The following NOS1AP variants were observed in gnomAD, a reference collection of about 807,000 sequenced individuals.
NOS1AP encodes the protein carboxyl-terminal PDZ ligand of neuronal nitric oxide synthase protein.
NOS1AP carries 21 observed loss-of-function variants against 56.2 expected under a neutral mutation model. The observed-to-expected ratio is 0.37, with a 90% CI of 0.26 to 0.54. The LOEUF is 0.54. NOS1AP is among the 20% of genes least tolerant of loss of function. The pLI is 0.84. For synonymous variants in NOS1AP, 270 were observed against 274.6 expected (o/e 0.98, Z 0.17); for missense variants, 522 against 657.8 (o/e 0.79, Z 2.26).
intron 4 of NOS1AP, among the ~76,000 whole-genome samples, chr1:162,325,663 A>G (rs1399102287): frequency 2.6e-5 from 4 of 152,082 alleles, no homozygotes; most frequent in Non-Finnish European, 5.9e-5. Flanking sequence ...CTTGAGCAGC[A>G]GGTTGATTCT....
intron 1 of NOS1AP, among the ~76,000 whole-genome samples, chr1:162,131,185 A>G (rs1479664897): frequency 6.6e-6 from 1 of 152,038 alleles, no homozygotes; most frequent in Non-Finnish European, 1.5e-5. Context: ...GCTAGGTGCT[A>G]GGTTTCGAGT....
intron 2 of NOS1AP, among the ~76,000 whole-genome samples, chr1:162,168,666 T>A (rs1416776440): frequency 2.0e-5 from 3 of 146,862 alleles, no homozygotes; most frequent in African/African-American, 7.3e-5. Flanking sequence ...CTTCTCCCCT[T>A]TTCTTCCTCT....
intron 3 of NOS1AP, among the ~76,000 whole-genome samples, chr1:162,289,543 C>T (rs1017059615): frequency 4.5e-5 from 6 of 134,786 alleles, no homozygotes; most frequent in South Asian, 4.8e-4. Flanking sequence ...GGCGGGATCT[C>T]GGCTCACTGC....
chr1:162,166,902 C>A (rs1424626986), intron 2 of NOS1AP, among the ~76,000 whole-genome samples: 1 of 152,174 alleles, frequency 6.6e-6, no homozygotes, highest in African/African-American at 2.4e-5. Context: ...GGTCAGGATC[C>A]TTTGCTGGGT....
chr1:162,222,748 C>G (rs1450315925), intron 2 of NOS1AP, among the ~76,000 whole-genome samples: 1 of 152,026 alleles, frequency 6.6e-6, no homozygotes, highest in Non-Finnish European at 1.5e-5. Context: ...TTATGTTGGC[C>G]ATGATGAGAG....
intron 2 of NOS1AP, among the ~76,000 whole-genome samples, chr1:162,259,647 C>A (rs1489400943): frequency 6.6e-6 from 1 of 152,070 alleles, no homozygotes; most frequent in African/African-American, 2.4e-5. Flanking sequence ...CAATTATGTT[C>A]ATAGTGTGTA....
intron 2 of NOS1AP, among the ~76,000 whole-genome samples, chr1:162,245,192 C>T (rs1055195205): frequency 6.6e-6 from 1 of 152,128 alleles, no homozygotes; most frequent in African/African-American, 2.4e-5. Flanking sequence ...AATAAGAAAA[C>T]AACCCAATTT....
chr1:162,320,126 G>T (rs1451575099), intron 4 of NOS1AP, among the ~76,000 whole-genome samples: 1 of 152,174 alleles, frequency 6.6e-6, no homozygotes, highest in East Asian at 1.9e-4. Flanking sequence ...GTATCTTGGA[G>T]AAGCCAATAT....
intron 2 of NOS1AP, among the ~76,000 whole-genome samples, chr1:162,265,041 C>T (rs1161369028): frequency 6.6e-6 from 1 of 152,096 alleles, no homozygotes; most frequent in African/African-American, 2.4e-5. Flanking sequence ...CCTTGAACTC[C>T]TGATCTCAAA....
chr1:162,081,670 T>C (rs1469998259), intron 1 of NOS1AP, among the ~76,000 whole-genome samples: 3 of 148,690 alleles, frequency 2.0e-5, no homozygotes, highest in African/African-American at 7.4e-5. Context: ...AGCTCAGCCT[T>C]TCAAGTAGCT....
intron 4 of NOS1AP, among the ~76,000 whole-genome samples, chr1:162,304,685 A>G (rs1655763111): frequency 6.6e-6 from 1 of 152,106 alleles, no homozygotes; most frequent in African/African-American, 2.4e-5. Flanking sequence ...AAACAAAGAA[A>G]TAAACTTTAG....
Position 162,221,182 on chromosome 1 carries a change from A to G in NOS1AP, c.178-66162A>G, listed in dbSNP as rs975286219. Among the ~76,000 whole-genome samples, 13 of 152,188 alleles carry G rather than the reference A, an allele frequency of 8.5e-5. No homozygotes were observed. The East Asian group carries it at 2.5e-3, about 29-fold the overall frequency. Reference sequence around the variant, plus strand: ...CCTTGATCTCTTGGCCTCCCGATCCACCCACCTTGGCCTCCCAAAGTGCTG... The same window carrying G: ...CCTTGATCTCTTGGCCTCCCGATCCGCCCACCTTGGCCTCCCAAAGTGCTG... On this transcript the variant is annotated intron_variant, in intron 2 of 9. Coordinates refer to ENST00000361897, the MANE Select transcript of NOS1AP (RefSeq NM_014697.3).
intron 2 of NOS1AP, among the ~76,000 whole-genome samples, chr1:162,245,551 C>T (rs1653635182): frequency 6.6e-6 from 1 of 152,204 alleles, no homozygotes; most frequent in African/African-American, 2.4e-5. Context: ...GAAATGAAAG[C>T]ATATGTCTGT....
intron 2 of NOS1AP, among the ~76,000 whole-genome samples, chr1:162,192,295 C>CTTAG (rs776871326): frequency 9.9e-5 from 15 of 152,144 alleles, no homozygotes; most frequent in Non-Finnish European, 2.2e-4. Flanking sequence ...CAAGAAGTGT[C>CTTAG]TTAGACTCTA....
intron 2 of NOS1AP, among the ~76,000 whole-genome samples, chr1:162,190,530 T>G (rs1651592061): frequency 6.6e-6 from 1 of 152,192 alleles, no homozygotes. Context: ...TAATGATATC[T>G]TAATACATAG....
intron 1 of NOS1AP, among the ~76,000 whole-genome samples, chr1:162,119,025 G>T (rs1648091064): frequency 2.6e-5 from 4 of 152,148 alleles, no homozygotes; most frequent in Admixed American, 2.6e-4. Flanking sequence ...TTGATGATAA[G>T]GCAAATCATG....
intron 1 of NOS1AP, among the ~76,000 whole-genome samples, chr1:162,076,829 A>G (rs1691779838): frequency 6.6e-6 from 1 of 152,160 alleles, no homozygotes; most frequent in Non-Finnish European, 1.5e-5. Flanking sequence ...GACATTTCAT[A>G]TTTATGGAAT....
At chr1:162,335,272 G>A (rs1212234877) in intron 5 of NOS1AP, among the ~76,000 whole-genome samples, 1 of 152,212 alleles carries the variant, frequency 6.6e-6, no homozygotes, top group African/African-American at 2.4e-5. Context: ...TCCTGGCCTG[G>A]AGCCATGCAG....
At chr1:162,122,532 A>G (rs1050316716) in intron 1 of NOS1AP, among the ~76,000 whole-genome samples, 11 of 150,734 alleles carry the variant, frequency 7.3e-5, no homozygotes, top group Non-Finnish European at 1.3e-4. Context: ...TTTTGAGACA[A>G]GGTCTGGCTC....
Sources: allele counts gnomAD v4.1 joint callset (sites outside exome capture counted in the v4.1 genomes callset), GRCh38; gene constraint gnomAD v4.1.1; transcripts MANE v1.5; gene names NCBI Gene and HGNC (gene_info 2026-07-23, HGNC 2026-07-21).